ERC1: variants seen among roughly 807,000 people sequenced by gnomAD.
ERC1 encodes ELKS/RAB6-interacting/CAST family member 1.
Under a neutral mutation model 132.0 loss-of-function variants are expected in ERC1, and 56 were observed. The ratio of observed to expected loss-of-function variants is 0.42; its 90% CI spans 0.34 to 0.53. The LOEUF is 0.53. Ranked by LOEUF, ERC1 falls within the 20% of genes least tolerant of loss-of-function variation. The pLI is 0.03. For synonymous variants in ERC1, 478 were observed against 476.1 expected (o/e 1.00, Z -0.05); for missense variants, 1,202 against 1,349.9 (o/e 0.89, Z 1.72).
chr12:1,306,217 C>T (rs2080870405), intron 15 of ERC1, among the ~76,000 whole-genome samples: 1 of 152,172 alleles, frequency 6.6e-6, no homozygotes, highest in Non-Finnish European at 1.5e-5. Context: ...ATCTTAAATT[C>T]TCTAAGCTCT....
chr12:1,214,668 A>G lies in ERC1; in HGVS notation c.2352-22101A>G, dbSNP rs1458321697. 1.5e-4 allele frequency among the ~76,000 whole-genome samples: 6 copies of G among 40,154 alleles called. No individual in the cohort carries two copies. The African/African-American group carries it at 1.8e-3, about 12-fold the overall frequency. The allele number at this position is 40,154 out of a possible 152,430, so 26.3% of individuals were successfully genotyped here. ...TAAATATGCGTGTGTGTATACATAC[A>G]CACACACACACACACACACACACAC... is the stretch of plus-strand genomic sequence containing the variant. On this transcript the variant is annotated intron_variant, in intron 12 of 18. Transcript: ENST00000360905.
chr12:1,174,512 A>T (rs1953467857), intron 8 of ERC1, among the ~76,000 whole-genome samples: 1 of 152,270 alleles, frequency 6.6e-6, no homozygotes, highest in South Asian at 2.1e-4. Flanking sequence ...GTATATCAGC[A>T]GAAGTGTTTA....
intron 1 of ERC1, among the ~76,000 whole-genome samples, chr12:1,024,448 C>T (rs756283050): frequency 2.0e-5 from 3 of 152,136 alleles, no homozygotes; most frequent in Non-Finnish European, 4.4e-5. Context: ...AAACCACCTG[C>T]CTGTTATTTC....
intron 15 of ERC1, among the ~76,000 whole-genome samples, chr12:1,316,132 C>A (rs2081693623): frequency 6.6e-6 from 1 of 152,174 alleles, no homozygotes; most frequent in Non-Finnish European, 1.5e-5. Context: ...CGTGATCCAC[C>A]CGCCTCGGCC....
At chr12:1,013,382 A>T (rs375697299) in intron 1 of ERC1, among the ~76,000 whole-genome samples, 1 of 152,170 alleles carries the variant, frequency 6.6e-6, no homozygotes, top group Non-Finnish European at 1.5e-5. Context: ...TGATTAATTG[A>T]TAAGAATTAT....
chr12:1,463,697 C>CTGTGTGTGTGTGTG (rs57210462), intron 18 of ERC1, among the ~76,000 whole-genome samples: 2,463 of 136,086 alleles, frequency 0.018, 104 homozygotes, highest in African/African-American at 0.063. Flanking sequence ...GGTGCTAAGA[C>CTGTGTGTGTGTGTG]TGTGTGTGTG....
chr12:1,360,179 G>T (rs1023279356), intron 15 of ERC1, among the ~76,000 whole-genome samples: 2 of 152,016 alleles, frequency 1.3e-5, no homozygotes, highest in Non-Finnish European at 2.9e-5. Context: ...CAGTTATGTT[G>T]TCTGTTTTAC....
intron 15 of ERC1, among the ~76,000 whole-genome samples, chr12:1,292,627 T>C (rs2079535395): frequency 6.6e-6 from 1 of 152,220 alleles, no homozygotes; most frequent in Admixed American, 6.5e-5. Context: ...AATTTTCATA[T>C]GTACCTAAGA....
At chr12:1,416,618 C>T (rs1183552118) in intron 17 of ERC1, among the ~76,000 whole-genome samples, 2 of 152,220 alleles carry the variant, frequency 1.3e-5, no homozygotes, top group East Asian at 1.9e-4. Flanking sequence ...TGCCTTTGGA[C>T]GTTGTCTGAA....
chr12:1,029,590 A>T (rs1422742080), intron 2 of ERC1, among the ~76,000 whole-genome samples: 2 of 152,164 alleles, frequency 1.3e-5, no homozygotes, highest in Admixed American at 6.6e-5. Context: ...GTGCTGTCAC[A>T]TTAGCTACAG....
At chr12:1,230,950 T>C (rs2074983884) in intron 12 of ERC1, among the ~76,000 whole-genome samples, 1 of 152,186 alleles carries the variant, frequency 6.6e-6, no homozygotes, top group African/African-American at 2.4e-5. Flanking sequence ...CCTGTGTGTG[T>C]CCTTACAGCT....
At chr12:1,277,944 C>G (rs2078392762) in intron 14 of ERC1, among the ~76,000 whole-genome samples, 1 of 152,240 alleles carries the variant, frequency 6.6e-6, no homozygotes, top group Admixed American at 6.5e-5. Flanking sequence ...CAATCAAATT[C>G]TGTCAAGAGG....
At chr12:1,095,460 T>G (rs1231858082) in intron 3 of ERC1, among the ~76,000 whole-genome samples, 1 of 152,162 alleles carries the variant, frequency 6.6e-6, no homozygotes, top group East Asian at 1.9e-4. Context: ...GTCATTATTC[T>G]TTAGTTATTT....
At chr12:1,343,982 C>T (rs778911749) in intron 15 of ERC1, among the ~76,000 whole-genome samples, 3 of 152,084 alleles carry the variant, frequency 2.0e-5, no homozygotes, top group Non-Finnish European at 2.9e-5. Context: ...GCTGGGACTA[C>T]AGGCACCCAC....
intron 17 of ERC1, among the ~76,000 whole-genome samples, chr12:1,435,230 A>G (rs943687851): frequency 6.6e-6 from 1 of 152,224 alleles, no homozygotes; most frequent in African/African-American, 2.4e-5. Context: ...CAGAGCAGCC[A>G]GGATCCTTCT....
rs557590552 is a variant in ERC1 at position 1,054,144 on chromosome 12, G to C, written c.669+25572G>C. On this transcript the variant is annotated intron_variant, in intron 2 of 18. Transcript: ENST00000360905. ...ATAAGAATTCCAAAACTAACAAAGA[G>C]AAAATCATCTTGACTGTTACGTGCT... is the stretch of plus-strand genomic sequence containing the variant. Among the ~76,000 whole-genome samples, 7 of 152,256 alleles carry C rather than the reference G, an allele frequency of 4.6e-5. No homozygotes were observed. In the South Asian group the frequency reaches 1.5e-3, roughly 32 times the overall value.
Position 1,452,185 on chromosome 12 carries a change from G to T in ERC1, c.3213+7435G>T, listed in dbSNP as rs545703290. ...TTCTCTGGGCACAGATTTCTTGGTT[G>T]ACAGGGATTTTTTTTTTCCTCTTTC... On this transcript the variant is annotated intron_variant, in intron 18 of 18. Coordinates refer to ENST00000360905, the MANE Select transcript of ERC1 (RefSeq NM_178040.4). Among the ~76,000 whole-genome samples, 4 of 150,148 alleles carry T rather than the reference G, an allele frequency of 2.7e-5. No individual in the cohort carries two copies. The East Asian group carries it at 7.7e-4, about 29-fold the overall frequency.
At chr12:1,064,818 A>G (rs1339626109) in intron 2 of ERC1, among the ~76,000 whole-genome samples, 1 of 152,216 alleles carries the variant, frequency 6.6e-6, no homozygotes, top group Admixed American at 6.5e-5. Flanking sequence ...ATATGCCTGT[A>G]TCTCTGCTGA....
intron 18 of ERC1, among the ~76,000 whole-genome samples, chr12:1,451,274 G>A (rs1224033639): frequency 1.3e-5 from 2 of 151,850 alleles, no homozygotes; most frequent in African/African-American, 4.8e-5. Flanking sequence ...TTTTTTATCT[G>A]TGTATGTCTG....
Sources: allele counts gnomAD v4.1 joint callset (sites outside exome capture counted in the v4.1 genomes callset), GRCh38; gene constraint gnomAD v4.1.1; transcripts MANE v1.5; gene names NCBI Gene and HGNC (gene_info 2026-07-23, HGNC 2026-07-21).